ANKRD30B: variants seen among roughly 807,000 people sequenced by gnomAD.
ANKRD30B encodes ankyrin repeat domain 30B, also known as ankyrin repeat domain-containing protein 30B.
In ANKRD30B, 144 loss-of-function variants were observed where a neutral mutation model predicts 202.2. The ratio of observed to expected loss-of-function variants is 0.71; its 90% CI spans 0.62 to 0.82. ANKRD30B has a LOEUF of 0.82. Ranked by LOEUF, ANKRD30B falls within the 40% of genes least tolerant of loss-of-function variation. ANKRD30B has a pLI of 0.00. For synonymous variants in ANKRD30B, 508 were observed against 561.3 expected, an observed-to-expected ratio of 0.91 and a Z score of 1.34; for missense variants, 1,487 against 1,669.1, an observed-to-expected ratio of 0.89 and a Z score of 1.90.
the ANKRD30B span, among the ~76,000 whole-genome samples, chr18:14,941,018 G>A: frequency 6.6e-6 from 1 of 152,080 alleles, no homozygotes; most frequent in African/African-American, 2.4e-5. Flanking sequence ...CTCTGTATGT[G>A]CTCCCAGGAG....
chr18:14,757,485 A>T (rs1287786054), intron 4 of ANKRD30B, among the ~76,000 whole-genome samples: 1 of 152,196 alleles, frequency 6.6e-6, no homozygotes, highest in African/African-American at 2.4e-5. Flanking sequence ...TCTGACTTCT[A>T]GCTGATTTTT....
Position 14,852,357 on chromosome 18 carries a change from C to T in ANKRD30B, c.4413C>T (p.Phe1471=). 1 of 1,541,674 alleles carries T rather than the reference C, an allele frequency of 6.5e-7. No homozygotes were observed. Among genetic ancestry groups the T allele is most frequent in the Non-Finnish European group, 8.7e-7 (1 of 1,144,228 alleles). The change falls in exon 42 of 44, where the codon TTC becomes TTT. Residue 1471 remains phenylalanine, a synonymous_variant. Coordinates refer to ENST00000690538, the MANE Select transcript of ANKRD30B (RefSeq NM_001367607.2). ...RHLNEKNEEV[F]NYGNHLKERI... is the part of the protein sequence containing the mutation. Reference sequence around the variant, plus strand: ...TAAACGAGAAAAATGAGGAGGTATTCAATTATGGTAACCATTTAAAAGAAC... The same window carrying T: ...TAAACGAGAAAAATGAGGAGGTATTTAATTATGGTAACCATTTAAAAGAAC...
Position 14,748,575 on chromosome 18 carries a change from G to GAAGATGGCC in ANKRD30B, c.159_160insATGGCCAAG (p.Lys53_Leu54insMetAlaLys), listed in dbSNP as rs777025198. ...CAGCTGCCTCCCGGGGCCAAGTCCAGAAGCTGGAGAAGATGACAGTAGGGA... is the reference window on the plus strand; with the variant it reads ...CAGCTGCCTCCCGGGGCCAAGTCCAGAAGATGGCCAAGCTGGAGAAGATGACAGTAGGGA... On this transcript the variant is annotated inframe_insertion, in exon 1 of 44. Transcript: ENST00000690538. 36 of 1,563,340 alleles carry GAAGATGGCC rather than the reference G, an allele frequency of 2.3e-5. No individual in the cohort carries two copies. The South Asian group carries it at 4.2e-4, about 18-fold the overall frequency.
chr18:14,861,296 G>A, the ANKRD30B span, among the ~76,000 whole-genome samples: 2 of 152,152 alleles, frequency 1.3e-5, no homozygotes, highest in South Asian at 4.1e-4. Context: ...GATTGTAAAT[G>A]GCTGAAATGC....
At chr18:14,820,514 C>T (rs1281265176) in intron 30 of ANKRD30B, among the ~76,000 whole-genome samples, 1 of 152,060 alleles carries the variant, frequency 6.6e-6, no homozygotes, top group African/African-American at 2.4e-5. Flanking sequence ...ATAGATAGCT[C>T]TTATTATTTT....
chr18:14,873,524 C>CAA, the ANKRD30B span, among the ~76,000 whole-genome samples: 44 of 90,590 alleles, frequency 4.9e-4, no homozygotes, highest in Admixed American at 1.7e-3. Context: ...GACTCCGTTT[C>CAA]AAAAAAAAAA....
chr18:14,805,995 C>A (rs1969485640), intron 24 of ANKRD30B, among the ~76,000 whole-genome samples: 2 of 150,444 alleles, frequency 1.3e-5, no homozygotes, highest in South Asian at 4.2e-4. Flanking sequence ...CCGAGGCGGG[C>A]AGATCACGAG....
the ANKRD30B span, among the ~76,000 whole-genome samples, chr18:14,871,011 ACCCCT>A: frequency 1.2e-4 from 5 of 41,938 alleles, no homozygotes; most frequent in Non-Finnish European, 2.3e-4. Context: ...CCACCCACAC[ACCCCT>A]ACCCACACAC....
chr18:14,799,328 T>C (rs1386417427), intron 22 of ANKRD30B, 33 bp downstream of exon 22: 6 of 1,476,278 alleles, frequency 4.1e-6, no homozygotes, highest in Non-Finnish European at 5.4e-6. Flanking sequence ...TACTCTGGAA[T>C]TAAGAATATT....
rs115658425 is a variant in ANKRD30B at position 14,831,452 on chromosome 18, C to T, written c.2844C>T (p.Thr948=). Residue 948 remains threonine, a synonymous_variant, in exon 34 of 44, where the codon ACC becomes ACT. Transcript: ENST00000690538. ...TTGAGGAAGACTTTAATCTTACTAC[C>T]AAGGTAAAATAGTCTCTTGTTAAAT... ...TKVEEDFNLT[T]KEGATKTVTG... is the part of the protein sequence containing the mutation. The T allele has an allele frequency of 1.4e-3, 2,121 of 1,511,006 alleles. 23 individuals carry two copies. The African/African-American group carries it at 0.026, about 18-fold the overall frequency. The allele number at this position is 1,511,006 out of a possible 1,614,324, so 93.6% of individuals were successfully genotyped here.
At position 14,754,996 on chromosome 18, in the gene ANKRD30B, A is replaced by T; in HGVS notation, c.608A>T (p.Glu203Val). 6.6e-7 allele frequency: 1 copy of T among 1,517,938 alleles called. No homozygotes were observed. The highest frequency in any genetic ancestry group is 8.8e-7 in the Non-Finnish European group (1 of 1,131,646). The allele number at this position is 1,517,938 out of a possible 1,614,324, so 94.0% of individuals were successfully genotyped here. ...AATGCAAATGCAAACGCATTTAATG[A>T]GTCTAAATGGTATGGTAGTTCTTTT... The part of the protein sequence containing the change: ...TKNANANAFN[E>V]SKCTALMLAI... The change falls in exon 4 of 44, where the codon GAG becomes GTG. Residue 203 changes from glutamate (E) to valine (V), a missense_variant. Around this residue, in one of 6 missense-constraint regions of ANKRD30B, gnomAD observed 889 missense variants for 841.4 expected, o/e 1.06. Transcript: ENST00000690538.
intron 15 of ANKRD30B, among the ~76,000 whole-genome samples, chr18:14,789,582 G>T (rs1001585110): frequency 2.6e-5 from 4 of 152,176 alleles, no homozygotes; most frequent in Admixed American, 2.0e-4. Flanking sequence ...GTGTAAGGAA[G>T]GGATCCAGTT....
chr18:14,778,163 A>G, intron 10 of ANKRD30B, 88 bp downstream of exon 10: 1 of 879,980 alleles, frequency 1.1e-6, no homozygotes, highest in Non-Finnish European at 1.8e-6. Context: ...GCCAGAGAAA[A>G]TTATTTTTTA....
the ANKRD30B span, among the ~76,000 whole-genome samples, chr18:14,901,107 G>A: frequency 6.6e-6 from 1 of 152,250 alleles, no homozygotes; most frequent in South Asian, 2.1e-4. Context: ...GAGTGGAGGG[G>A]ATGTTGCTTG....
chr18:14,896,542 T>C, the ANKRD30B span, among the ~76,000 whole-genome samples: 1 of 149,758 alleles, frequency 6.7e-6, no homozygotes, highest in African/African-American at 2.5e-5. Flanking sequence ...AGAGAAACTA[T>C]TTGTACCGAC....
intron 20 of ANKRD30B, among the ~76,000 whole-genome samples, chr18:14,798,868 A>G (rs1159941179): frequency 2.0e-5 from 3 of 152,106 alleles, no homozygotes; most frequent in Non-Finnish European, 2.9e-5. Flanking sequence ...GCAATTTTGT[A>G]TTTACAATAA....
chr18:14,826,695 A>T (rs200839084), intron 32 of ANKRD30B, among the ~76,000 whole-genome samples: 2,784 of 37,566 alleles, frequency 0.074, 49 homozygotes, highest in East Asian at 0.18. Flanking sequence ...TCTCTCTCTC[A>T]CACACACACA....
the ANKRD30B span, among the ~76,000 whole-genome samples, chr18:14,928,257 C>T: frequency 6.6e-6 from 1 of 152,154 alleles, no homozygotes; most frequent in African/African-American, 2.4e-5. Flanking sequence ...CGCGAGTCAC[C>T]ACGCCTGGCC....
chr18:14,748,196 T>C lies in ANKRD30B; in HGVS notation c.-224T>C. 1 of 441,282 alleles carries C rather than the reference T, an allele frequency of 2.3e-6. No individual in the cohort carries two copies. Among genetic ancestry groups the C allele is most frequent in the East Asian group, 3.4e-5 (1 of 29,168 alleles). 27.3% of individuals were successfully genotyped at this position (441,282 alleles called of 1,614,324 possible). A position where few individuals can be genotyped will look rare whatever the true frequency, so the allele number is the denominator to read the frequency against. ...TGTAACGCTCTAACGTTAGAGCAGCTAACGGCTCTGCTCAGAATTTCTCCC... is the reference window on the plus strand; with the variant it reads ...TGTAACGCTCTAACGTTAGAGCAGCCAACGGCTCTGCTCAGAATTTCTCCC... On this transcript the variant is annotated 5_prime_UTR_variant, in exon 1 of 44. Transcript: ENST00000690538.
Sources: gnomAD v4.1 joint callset for allele counts (sites outside exome capture counted in the v4.1 genomes callset) on GRCh38, gnomAD v4.1.1 for gene constraint, gnomAD v4.1.1 regional missense constraint, MANE v1.5 for transcripts, NCBI Gene and HGNC (gene_info 2026-07-23, HGNC 2026-07-21) for gene names.